The following HSPH1 variants were observed in gnomAD, a reference collection of about 807,000 sequenced individuals.
HSPH1 encodes the protein heat shock protein 105 kDa.
HSPH1 carries 40 observed loss-of-function variants against 100.0 expected under a neutral mutation model. That is an observed-to-expected ratio of 0.40 (90% confidence interval 0.31 to 0.52). The LOEUF is 0.52. Among genes scored for constraint, HSPH1 ranks in the 20% least tolerant of loss-of-function variants. The probability of loss-of-function intolerance (pLI) is 0.54; values close to 1 mark genes in which losing one functional copy is unlikely to be tolerated. For synonymous variants in HSPH1, 403 were observed against 344.0 expected (o/e 1.17, Z -1.90); for missense variants, 876 against 1,015.1 (o/e 0.86, Z 1.86).
At chr13:31,156,692 C>A (rs542806420) in intron 2 of HSPH1, among the ~76,000 whole-genome samples, 8 of 152,330 alleles carry the variant, frequency 5.3e-5, no homozygotes, top group African/African-American at 1.9e-4. Context: ...TGCTAGTTAT[C>A]TACACCAAAA....
intron 13 of HSPH1, 39 bp downstream of exon 13, chr13:31,141,083 A>G: frequency 2.3e-6 from 3 of 1,315,696 alleles, no homozygotes; most frequent in South Asian, 1.5e-5. Context: ...AAGAAACTAA[A>G]CATATTTCAA....
chr13:31,140,718 A>C (rs1027928132), intron 13 of HSPH1: 1 of 171,682 alleles, frequency 5.8e-6, no homozygotes, highest in South Asian at 1.9e-4. Flanking sequence ...TTTATTGTTA[A>C]ATAAACTCCT....
chr13:31,144,898 T>C (rs567706601), intron 11 of HSPH1, among the ~76,000 whole-genome samples: 14 of 152,300 alleles, frequency 9.2e-5, no homozygotes, highest in African/African-American at 3.4e-4. Context: ...CAGTGATCAC[T>C]AGATAACGCA....
rs1955883175 is a variant in HSPH1 at position 31,136,353 on chromosome 13, TA to T, written c.*964del. On this transcript the variant is annotated 3_prime_UTR_variant, in exon 18 of 18. Coordinates refer to ENST00000320027, the MANE Select transcript of HSPH1 (RefSeq NM_006644.4). The stretch of plus-strand genomic sequence containing the variant: ...ACTCACACAAATATACCCCCATCAT[TA>T]GGGGTAAAAGGCTCCAAGGATGTAT... 1 of 152,122 alleles carries T rather than the reference TA, an allele frequency of 6.6e-6. No homozygotes were observed. The highest frequency in any genetic ancestry group is 2.1e-4 in the South Asian group (1 of 4,806). 9.4% of individuals were successfully genotyped at this position (152,122 alleles called of 1,614,324 possible).
At chr13:31,155,049 A>C (rs1956631950) in intron 3 of HSPH1, among the ~76,000 whole-genome samples, 2 of 152,216 alleles carry the variant, frequency 1.3e-5, no homozygotes, top group Admixed American at 6.5e-5. Context: ...CAAAACATTA[A>C]AGAAGGTAGT....
At chr13:31,144,882 AG>A (rs1956216011) in intron 11 of HSPH1, among the ~76,000 whole-genome samples, 2 of 152,314 alleles carry the variant, frequency 1.3e-5, no homozygotes, top group East Asian at 3.9e-4. Context: ...TGTTCTAGAA[AG>A]GTAACAGTGA....
chr13:31,157,367 C>T (rs748000299), intron 2 of HSPH1, among the ~76,000 whole-genome samples: 5 of 152,186 alleles, frequency 3.3e-5, no homozygotes, highest in African/African-American at 4.8e-5. Flanking sequence ...TCCTTTTTCA[C>T]CCCTTTTAGT....
chr13:31,156,707 G>A (rs1566015701), intron 2 of HSPH1, among the ~76,000 whole-genome samples: 2 of 152,230 alleles, frequency 1.3e-5, no homozygotes, highest in Non-Finnish European at 2.9e-5. Flanking sequence ...CCAAAAAGTA[G>A]AAGGCAGAAG....
At position 31,149,467 on chromosome 13, in the gene HSPH1, A is replaced by C. The variant is rs993194871; in HGVS notation, c.1137+487T>G. Among the ~76,000 whole-genome samples the C allele has an allele frequency of 8.5e-5, 13 of 152,170 alleles. 1 individual carries two copies. The highest frequency in any genetic ancestry group is 7.2e-4 in the Admixed American group (11 of 15,276). ...ACTTCTAGATTTGGTGTTTTTCACC[A>C]AACTAACTTCATGCTTCTGGGCTGC... On this transcript the variant is annotated intron_variant, in intron 8 of 17. Transcript: ENST00000320027.
At chr13:31,154,444 C>A in intron 4 of HSPH1, 189 bp downstream of exon 4, 2 of 658,346 alleles carry the variant, frequency 3.0e-6, no homozygotes, top group Non-Finnish European at 2.6e-6. Context: ...CAGTCAAGAA[C>A]CTTTGCCGCT....
At chr13:31,140,956 A>C (rs1956067789) in intron 13 of HSPH1, 166 bp downstream of exon 13, 1 of 443,700 alleles carries the variant, frequency 2.3e-6, no homozygotes. Flanking sequence ...TTTGTTAAAA[A>C]AAATTAAACT....
At position 31,150,136 on chromosome 13, in the gene HSPH1, C is replaced by T. The variant is rs774408799; in HGVS notation, c.955G>A (p.Val319Ile). 6.2e-7 allele frequency: 1 copy of T among 1,609,600 alleles called. No individual in the cohort carries two copies. Among genetic ancestry groups the T allele is most frequent in the Non-Finnish European group, 8.5e-7 (1 of 1,176,760 alleles). The change falls in exon 8 of 18, where the codon GTA becomes ATA. Residue 319 changes from valine to isoleucine, a missense_variant. Physicochemically the swap from Val to Ile is conservative, Grantham distance 29 (BLOSUM62 3). Coordinates refer to ENST00000320027, the MANE Select transcript of HSPH1 (RefSeq NM_006644.4). Reference protein sequence around the residue: ...LCAELLQKIEVPLYSLLEQTH... With the variant: ...LCAELLQKIEIPLYSLLEQTH... ...TGTTCCAACAGTGAATAAAGGGGTA[C>T]TTCTATCTTTTGCAGAAGTTCAGCA...
chr13:31,135,647 T>C lies in HSPH1; in HGVS notation c.*1671A>G, dbSNP rs1163762886. On this transcript the variant is annotated 3_prime_UTR_variant, in exon 18 of 18. Coordinates refer to ENST00000320027, the MANE Select transcript of HSPH1 (RefSeq NM_006644.4). Reference sequence around the variant, plus strand: ...CAAATGACGAGCTACCTGGTCTAGATGGAATGAAGTGTTAGCTTTAAAATT... The same window carrying C: ...CAAATGACGAGCTACCTGGTCTAGACGGAATGAAGTGTTAGCTTTAAAATT... 1 of 152,226 alleles carries C rather than the reference T, an allele frequency of 6.6e-6. No homozygotes were observed. The highest frequency in any genetic ancestry group is 2.4e-5 in the African/African-American group (1 of 41,456). The allele number at this position is 152,226 out of a possible 1,614,324, so 9.4% of individuals were successfully genotyped here. A position where few individuals can be genotyped will look rare whatever the true frequency, so the allele number is the denominator to read the frequency against.
intron 16 of HSPH1, 45 bp from the exon 17 acceptor site, chr13:31,138,613 T>C (rs918658555): frequency 2.2e-5 from 34 of 1,559,440 alleles, no homozygotes; most frequent in African/African-American, 2.8e-5. Context: ...TATTGAACAA[T>C]AGTATCTCAT....
chr13:31,143,091 C>A (rs1303227006), intron 12 of HSPH1, among the ~76,000 whole-genome samples: 1 of 151,990 alleles, frequency 6.6e-6, no homozygotes, highest in African/African-American at 2.4e-5. Flanking sequence ...ATAAGAGAAA[C>A]CAAACAACCA....
At chr13:31,162,205 C>T, upstream of HSPH1, 1 of 962,114 alleles carries the variant, frequency 1.0e-6, no homozygotes, top group Non-Finnish European at 1.6e-6. Context: ...AAGAATGACT[C>T]CAAAACTCGG....
intron 3 of HSPH1, among the ~76,000 whole-genome samples, chr13:31,155,256 A>G (rs1956641616): frequency 6.6e-6 from 1 of 152,216 alleles, no homozygotes; most frequent in Non-Finnish European, 1.5e-5. Context: ...TTTTTTTTCC[A>G]ACATCAAATA....
chr13:31,145,451 C>T (rs1956234376), intron 11 of HSPH1, 112 bp downstream of exon 11: 4 of 777,668 alleles, frequency 5.1e-6, no homozygotes, highest in African/African-American at 1.7e-5. Context: ...AAATTCTGAT[C>T]AAAATTATTC....
chr13:31,159,839 A>G (rs1000463119), intron 1 of HSPH1, among the ~76,000 whole-genome samples: 1 of 152,160 alleles, frequency 6.6e-6, no homozygotes, highest in African/African-American at 2.4e-5. Flanking sequence ...ATAAAATAGC[A>G]TCCTAAAAGC....
Sources: allele counts gnomAD v4.1 joint callset (sites outside exome capture counted in the v4.1 genomes callset), GRCh38; gene constraint gnomAD v4.1.1; transcripts MANE v1.5; gene names NCBI Gene and HGNC (gene_info 2026-07-23, HGNC 2026-07-21).